The following PAPOLG variants were observed in gnomAD, a reference collection of about 807,000 sequenced individuals.
PAPOLG encodes the protein poly(A) polymerase gamma.
A neutral mutation model predicts 99.0 loss-of-function variants in PAPOLG; 40 were observed. The ratio of observed to expected loss-of-function variants is 0.40; its 90% CI spans 0.31 to 0.53. The LOEUF (loss-of-function observed/expected upper bound fraction) is 0.53, where lower values mean the gene tolerates loss of function less well. Ranked by LOEUF, PAPOLG falls within the 20% of genes least tolerant of loss-of-function variation. The probability of loss-of-function intolerance (pLI) is 0.41; values close to 1 mark genes in which losing one functional copy is unlikely to be tolerated. For missense variants in PAPOLG, 675 were observed against 884.1 expected (o/e 0.76, Z 3.00); for synonymous variants, 310 against 299.3 (o/e 1.04, Z -0.37).
chr2:60,792,034 CAA>C (rs1671550534), intron 16 of PAPOLG, 93 bp from the exon 17 acceptor site: 7 of 1,459,394 alleles, frequency 4.8e-6, no homozygotes, highest in Middle Eastern at 1.8e-4. Flanking sequence ...TCATTAATCA[CAA>C]GAGATAATTT....
chr2:60,785,743 G>A (rs1030742277), intron 13 of PAPOLG, among the ~76,000 whole-genome samples: 2 of 149,226 alleles, frequency 1.3e-5, no homozygotes, highest in African/African-American at 2.5e-5. Flanking sequence ...TGTTGCCCCA[G>A]GTGATCTCGA....
rs35297734 is a variant in PAPOLG at position 60,772,446 on chromosome 2, C to CAAA, written c.604+832_604+834dup. ...TAGGTGACAGAGTGAGACCCTGTCT[C>CAAA]AAAAAAAAAAAAAAAAAAGAGGCCA... is the stretch of plus-strand genomic sequence containing the variant. On this transcript the variant is annotated intron_variant, in intron 7 of 21. Transcript: ENST00000238714. 8.7e-4 allele frequency among the ~76,000 whole-genome samples: 73 copies of CAAA among 84,130 alleles called. 1 individual carries two copies. The highest frequency in any genetic ancestry group is 5.6e-3 in the Middle Eastern group (1 of 180). The allele number at this position is 84,130 out of a possible 152,430, so 55.2% of individuals were successfully genotyped here. A position where few individuals can be genotyped will look rare whatever the true frequency, so the allele number is the denominator to read the frequency against.
At chr2:60,770,098 C>CT (rs536486852) in intron 5 of PAPOLG, among the ~76,000 whole-genome samples, 143 of 152,274 alleles carry the variant, frequency 9.4e-4, no homozygotes, top group African/African-American at 3.3e-3. Flanking sequence ...CATGAACTCA[C>CT]TGTTTTTTAT....
intron 10 of PAPOLG, among the ~76,000 whole-genome samples, chr2:60,781,354 C>CT (rs1671184636): frequency 7.2e-6 from 1 of 138,596 alleles, no homozygotes; most frequent in African/African-American, 2.9e-5. Context: ...GAGACTTCGT[C>CT]TCAAAAAAAA....
chr2:60,791,552 C>T (rs1013298557), intron 15 of PAPOLG: 12 of 386,714 alleles, frequency 3.1e-5, no homozygotes, highest in Non-Finnish European at 4.3e-5. Flanking sequence ...AACTCCATCT[C>T]AAAAAAAGAA....
Position 60,799,405 on chromosome 2 carries a change from G to A in PAPOLG, c.*2245G>A, listed in dbSNP as rs1205828612. 6.6e-6 allele frequency: 1 copy of A among 152,316 alleles called. No individual in the cohort carries two copies. Among genetic ancestry groups the A allele is most frequent in the East Asian group, 1.9e-4 (1 of 5,330 alleles). The allele number at this position is 152,316 out of a possible 1,614,324, so 9.4% of individuals were successfully genotyped here. ...AAGATAGCATTCTTCAACCTGTTTG[G>A]TAACTGAGGAGTTGATAAAATACTT... On this transcript the variant is annotated 3_prime_UTR_variant, in exon 22 of 22. Transcript: ENST00000238714.
chr2:60,764,880 G>A (rs1670627652), intron 3 of PAPOLG, among the ~76,000 whole-genome samples: 1 of 151,628 alleles, frequency 6.6e-6, no homozygotes, highest in Admixed American at 6.6e-5. Flanking sequence ...ATTTACTTTT[G>A]TTGCCAAAAG....
At chr2:60,785,517 T>A (rs927370199) in intron 13 of PAPOLG, among the ~76,000 whole-genome samples, 1 of 152,088 alleles carries the variant, frequency 6.6e-6, no homozygotes, top group African/African-American at 2.4e-5. Context: ...TTTAAACTTA[T>A]CTTAGCCTTA....
chr2:60,786,892 T>C (rs1671379408), intron 13 of PAPOLG, 55 bp from the exon 14 acceptor site: 4 of 1,567,340 alleles, frequency 2.6e-6, no homozygotes, highest in Middle Eastern at 1.7e-4. Context: ...TACTTGAGTG[T>C]AGCTTTCAAA....
intron 8 of PAPOLG, among the ~76,000 whole-genome samples, chr2:60,776,332 G>A (rs1369476921): frequency 1.3e-5 from 2 of 149,168 alleles, no homozygotes; most frequent in Non-Finnish European, 3.0e-5. Context: ...AGGCTTTGTT[G>A]TTCTGTTTGT....
In PAPOLG at chr2:60,756,591, C is replaced by T. The variant is rs1003299694; in HGVS notation, c.17+96C>T. The T allele has an allele frequency of 1.2e-5, 15 of 1,302,088 alleles. No homozygotes were observed. The East Asian group carries it at 2.7e-4, about 23-fold the overall frequency. The allele number at this position is 1,302,088 out of a possible 1,614,324, so 80.7% of individuals were successfully genotyped here. ...GTTTCCGTTCCCTGTCCCTTGCGCC[C>T]TGCACGCAGCTCGCCGGGATGGTCT... On this transcript the variant is annotated intron_variant, in intron 1 of 21. Transcript: ENST00000238714.
At position 60,787,000 on chromosome 2, in the gene PAPOLG, A is replaced by G. The variant is rs758799087; in HGVS notation, c.1220A>G (p.Asn407Ser). ...GTACTTGTTGGAAACTTGGAACGGAATGAATTTATTACTCTTGCCCATGTG... is the reference window on the plus strand; with the variant it reads ...GTACTTGTTGGAAACTTGGAACGGAGTGAATTTATTACTCTTGCCCATGTG... Reference protein sequence around the residue: ...IRVLVGNLERNEFITLAHVNP... With the variant: ...IRVLVGNLERSEFITLAHVNP... The change falls in exon 14 of 22, where the codon AAT becomes AGT. Residue 407 changes from asparagine (N) to serine (S), a missense_variant. This residue lies in a region of PAPOLG where 413 missense variants were observed against 460.5 expected (regional missense o/e 0.90). Coordinates refer to ENST00000238714, the MANE Select transcript of PAPOLG (RefSeq NM_022894.4). 2.5e-6 allele frequency: 4 copies of G among 1,612,764 alleles called. No individual in the cohort carries two copies. Among genetic ancestry groups the G allele is most frequent in the Non-Finnish European group, 3.4e-6 (4 of 1,179,002 alleles).
intron 5 of PAPOLG, among the ~76,000 whole-genome samples, chr2:60,770,076 C>T (rs991889378): frequency 6.6e-6 from 1 of 152,134 alleles, no homozygotes; most frequent in Non-Finnish European, 1.5e-5. Flanking sequence ...TCATCCATGT[C>T]CCTGCAAAGA....
Position 60,780,767 on chromosome 2 carries a change from C to T in PAPOLG, c.894C>T (p.Val298=), listed in dbSNP as rs376404495. 1 of 1,612,656 alleles carries T rather than the reference C, an allele frequency of 6.2e-7. No homozygotes were observed. Among genetic ancestry groups the T allele is most frequent in the East Asian group, 2.2e-5 (1 of 44,860 alleles). ...AAGAAAGCAATTTGAATTTGCCTGT[C>T]TGGGATCCTCGGGTATGTGATTTAT... ...QPEESNLNLP[V]WDPRVNPSDR... The change falls in exon 10 of 22, where the codon GTC becomes GTT. Residue 298 remains valine (V), a synonymous_variant. Coordinates refer to ENST00000238714, the MANE Select transcript of PAPOLG (RefSeq NM_022894.4).
Position 60,792,185 on chromosome 2 carries a change from T to A in PAPOLG, c.1575T>A (p.Ser525=). 1 of 1,603,910 alleles carries A rather than the reference T, an allele frequency of 6.2e-7. No individual in the cohort carries two copies. Among genetic ancestry groups the A allele is most frequent in the Non-Finnish European group, 8.5e-7 (1 of 1,177,872 alleles). The change falls in exon 17 of 22, where the codon TCT becomes TCA. Residue 525 remains serine (S), a synonymous_variant. Coordinates refer to ENST00000238714, the MANE Select transcript of PAPOLG (RefSeq NM_022894.4). ...SSGGLQSKRL[S]LDSSCLDSSR... ...GCGGACTTCAATCCAAAAGATTGTC[T>A]CTGGATAGCAGTTGTCTGGATAGCT...
chr2:60,792,256 A>C lies in PAPOLG; in HGVS notation c.1646A>C (p.Lys549Thr). The change falls in exon 17 of 22, where the codon AAG (lysine) becomes ACG (threonine). Residue 549 changes from lysine (K) to threonine (T), a missense_variant. Transcript: ENST00000238714. ...NGTPFNSPASKSDSPSVGETE... is the reference protein window; with the variant it reads ...NGTPFNSPASTSDSPSVGETE... ...ACACCTTTTAATTCTCCAGCGTCCA[A>C]GTCTGATAGCCCTTCTGTAGGAGAA... The C allele has an allele frequency of 6.2e-7, 1 of 1,608,918 alleles. No homozygotes were observed.
intron 3 of PAPOLG, among the ~76,000 whole-genome samples, chr2:60,763,789 C>T (rs960933929): frequency 6.6e-6 from 1 of 151,426 alleles, no homozygotes; most frequent in Non-Finnish European, 1.5e-5. Context: ...CAGGTGTGAG[C>T]CATCACACCT....
chr2:60,756,615 C>T, intron 1 of PAPOLG, 120 bp downstream of exon 1: 1 of 1,134,434 alleles, frequency 8.8e-7, no homozygotes, highest in Non-Finnish European at 1.2e-6. Context: ...CCGGGATGGT[C>T]TCCTTCCCGG....
At chr2:60,777,412 C>T (rs552016819) in intron 8 of PAPOLG, among the ~76,000 whole-genome samples, 3 of 152,270 alleles carry the variant, frequency 2.0e-5, no homozygotes, top group African/African-American at 7.2e-5. Flanking sequence ...GCTGAGATGG[C>T]ACCACTGCAC....
Sources: gnomAD v4.1 joint callset for allele counts (sites outside exome capture counted in the v4.1 genomes callset) on GRCh38, gnomAD v4.1.1 for gene constraint, gnomAD v4.1.1 regional missense constraint, MANE v1.5 for transcripts, NCBI Gene and HGNC (gene_info 2026-07-23, HGNC 2026-07-21) for gene names.